Variants in ARL15 observed in about 807,000 individuals in gnomAD.
ARL15 encodes ARF like GTPase 15.
In ARL15, 19 loss-of-function variants were observed where a neutral mutation model predicts 25.2. That is an observed-to-expected ratio of 0.75 (90% CI 0.53 to 1.10). The LOEUF (loss-of-function observed/expected upper bound fraction) is 1.10, where lower values mean the gene tolerates loss of function less well. Ranked by LOEUF, ARL15 falls within the 50% of genes least tolerant of loss-of-function variation. ARL15 has a pLI of 0.00. For synonymous variants in ARL15, 94 were observed against 86.8 expected, an observed-to-expected ratio of 1.08 and a Z score of -0.46; for missense variants, 220 against 246.0, an observed-to-expected ratio of 0.89 and a Z score of 0.71.
At position 54,276,433 on chromosome 5, in the gene ARL15, C is replaced by G. The variant is rs558690069; in HGVS notation, c.48+33999G>C. ...CCGATCTATCTGACAAATTTTTAAC[C>G]TTGGTTTTATATATGATGACAACAT... On this transcript the variant is annotated intron_variant, in intron 1 of 4. Transcript: ENST00000504924. Among the ~76,000 whole-genome samples, 23 of 152,238 alleles carry G rather than the reference C, an allele frequency of 1.5e-4. 1 individual carries two copies. In the South Asian group the frequency reaches 4.8e-3, roughly 32 times the overall value.
chr5:54,001,425 C>A (rs1748846108), intron 4 of ARL15, among the ~76,000 whole-genome samples: 1 of 152,154 alleles, frequency 6.6e-6, no homozygotes, highest in Admixed American at 6.5e-5. Flanking sequence ...CCATGATGAC[C>A]ACCACTGAAC....
At chr5:54,098,360 C>A (rs1752346152) in intron 4 of ARL15, among the ~76,000 whole-genome samples, 1 of 152,158 alleles carries the variant, frequency 6.6e-6, no homozygotes, top group South Asian at 2.1e-4. Flanking sequence ...ACCGTTCGAT[C>A]CCCCTGCTTC....
At chr5:53,973,138 G>A (rs1281595564) in intron 4 of ARL15, among the ~76,000 whole-genome samples, 1 of 152,152 alleles carries the variant, frequency 6.6e-6, no homozygotes, top group East Asian at 1.9e-4. Context: ...GCACAGCCGA[G>A]TATGAGAAAT....
chr5:54,239,204 G>A (rs1266341186), intron 1 of ARL15, among the ~76,000 whole-genome samples: 1 of 149,942 alleles, frequency 6.7e-6, no homozygotes, highest in African/African-American at 2.5e-5. Flanking sequence ...TTGGGCAATG[G>A]CAAGGGAAAA....
At chr5:54,179,187 T>C (rs371804568) in intron 1 of ARL15, among the ~76,000 whole-genome samples, 59 of 152,268 alleles carry the variant, frequency 3.9e-4, no homozygotes, top group African/African-American at 1.4e-3. Context: ...AAGGAAACTT[T>C]AGATCCATTC....
At chr5:54,253,585 G>A (rs1231799257) in intron 1 of ARL15, among the ~76,000 whole-genome samples, 1 of 151,932 alleles carries the variant, frequency 6.6e-6, no homozygotes. Flanking sequence ...ATTGACTTAA[G>A]GAATCAGATT....
intron 1 of ARL15, among the ~76,000 whole-genome samples, chr5:54,285,842 C>A (rs1758166137): frequency 6.6e-6 from 1 of 152,092 alleles, no homozygotes; most frequent in Non-Finnish European, 1.5e-5. Flanking sequence ...GGCAAAGATG[C>A]AATAAATGGA....
At chr5:54,085,519 GT>G (rs1168171070) in intron 4 of ARL15, among the ~76,000 whole-genome samples, 2 of 152,122 alleles carry the variant, frequency 1.3e-5, no homozygotes, top group Non-Finnish European at 2.9e-5. Context: ...GTCACTGAAC[GT>G]ACAGACTAAA....
chr5:53,931,833 T>G (rs2112053256), intron 4 of ARL15, among the ~76,000 whole-genome samples: 1 of 152,308 alleles, frequency 6.6e-6, no homozygotes, highest in African/African-American at 2.4e-5. Flanking sequence ...TTTGTTTGTG[T>G]TTGCTTTTTT....
intron 4 of ARL15, among the ~76,000 whole-genome samples, chr5:53,963,459 C>T (rs1318210565): frequency 6.6e-6 from 1 of 152,060 alleles, no homozygotes; most frequent in Non-Finnish European, 1.5e-5. Flanking sequence ...TTATGAATTT[C>T]ATAAAAAATA....
intron 1 of ARL15, among the ~76,000 whole-genome samples, chr5:54,195,702 T>A (rs1292022139): frequency 3.9e-5 from 6 of 152,204 alleles, no homozygotes; most frequent in African/African-American, 7.2e-5. Context: ...TCAACTTTTC[T>A]ATGCATATAC....
chr5:54,078,932 A>G (rs1751700529), intron 4 of ARL15, among the ~76,000 whole-genome samples: 1 of 152,104 alleles, frequency 6.6e-6, no homozygotes, highest in South Asian at 2.1e-4. Context: ...TAAAAGGGGG[A>G]AATAATTATT....
intron 4 of ARL15, among the ~76,000 whole-genome samples, chr5:54,062,666 T>C (rs1256487416): frequency 6.6e-6 from 1 of 152,196 alleles, no homozygotes; most frequent in African/African-American, 2.4e-5. Flanking sequence ...CTAATTAATC[T>C]TCTTTCTTTT....
intron 4 of ARL15, among the ~76,000 whole-genome samples, chr5:53,926,899 C>T (rs1347074032): frequency 1.3e-5 from 2 of 151,470 alleles, no homozygotes; most frequent in Non-Finnish European, 2.9e-5. Context: ...GTAAAGACCT[C>T]ACATGTTGAA....
intron 4 of ARL15, among the ~76,000 whole-genome samples, chr5:53,898,604 T>C (rs924796687): frequency 1.3e-5 from 2 of 152,118 alleles, no homozygotes; most frequent in African/African-American, 2.4e-5. Flanking sequence ...ATTGTATTCC[T>C]TCATAGTCCT....
At chr5:54,024,457 T>A (rs1271086241) in intron 4 of ARL15, among the ~76,000 whole-genome samples, 1 of 152,196 alleles carries the variant, frequency 6.6e-6, no homozygotes, top group African/African-American at 2.4e-5. Flanking sequence ...TTGTATTGTA[T>A]AAAAACTTAG....
At chr5:54,154,998 G>A (rs567353696) in intron 2 of ARL15, among the ~76,000 whole-genome samples, 1 of 152,162 alleles carries the variant, frequency 6.6e-6, no homozygotes, top group Non-Finnish European at 1.5e-5. Context: ...GCACACGCCT[G>A]TAATCCCAGC....
chr5:54,113,124 T>A, intron 4 of ARL15, 78 bp downstream of exon 4: 1 of 1,385,484 alleles, frequency 7.2e-7, no homozygotes, highest in Non-Finnish European at 9.9e-7. Context: ...CCTAATTACA[T>A]GCATTTTTCC....
intron 4 of ARL15, among the ~76,000 whole-genome samples, chr5:53,920,747 G>A (rs1319578491): frequency 1.3e-5 from 2 of 152,162 alleles, no homozygotes; most frequent in Non-Finnish European, 2.9e-5. Context: ...GATAGCTAGT[G>A]CATAGCAATA....
Sources: allele counts gnomAD v4.1 joint callset (sites outside exome capture counted in the v4.1 genomes callset), GRCh38; gene constraint gnomAD v4.1.1; transcripts MANE v1.5; gene names NCBI Gene and HGNC (gene_info 2026-07-23, HGNC 2026-07-21).